Variants in TGFBRAP1 observed in about 807,000 individuals in gnomAD.
The protein encoded by TGFBRAP1 is transforming growth factor-beta receptor-associated protein 1.
TGFBRAP1 carries 20 observed loss-of-function variants against 83.2 expected under a neutral mutation model. The ratio of observed to expected loss-of-function variants is 0.24; its 90% CI spans 0.17 to 0.35. TGFBRAP1 has a LOEUF of 0.35. Ranked by LOEUF, TGFBRAP1 falls within the 10% of genes least tolerant of loss-of-function variation. The pLI, the probability that TGFBRAP1 is intolerant of heterozygous loss-of-function variation, is 1.00. For synonymous variants in TGFBRAP1, 415 were observed against 459.8 expected, an observed-to-expected ratio of 0.90 and a Z score of 1.25; for missense variants, 950 against 1,099.4, an observed-to-expected ratio of 0.86 and a Z score of 1.92.
intron 1 of TGFBRAP1, 124 bp downstream of exon 1, chr2:105,329,501 A>C (rs2104431248): frequency 1.2e-5 from 1 of 84,722 alleles, no homozygotes; most frequent in Non-Finnish European, 2.3e-5. Context: ...CCCAGCGCAC[A>C]CGCACGGGCT....
rs1447424182 is a variant in TGFBRAP1, at chr2:105,316,471, G to A, written c.-17-8153C>T. On this transcript the variant is annotated intron_variant, in intron 1 of 11. Coordinates refer to ENST00000393359, the MANE Select transcript of TGFBRAP1 (RefSeq NM_004257.6). ...TGTGTGTGTGTGTGTGTGCGCGCGC[G>A]CGCGCGCGCACGCGCACATAACTCA... Among the ~76,000 whole-genome samples the A allele has an allele frequency of 1.3e-3, 133 of 105,144 alleles. 1 individual carries two copies. Among genetic ancestry groups the A allele is most frequent in the African/African-American group, 3.7e-3 (114 of 30,842 alleles). 69.0% of individuals were successfully genotyped at this position (105,144 alleles called of 152,430 possible).
rs537029827 is a variant in TGFBRAP1 at position 105,311,390 on chromosome 2, A to C, written c.-17-3072T>G. Among the ~76,000 whole-genome samples, 72 of 152,248 alleles carry C rather than the reference A, an allele frequency of 4.7e-4. 1 individual carries two copies. The highest frequency in any genetic ancestry group is 3.5e-3 in the South Asian group (17 of 4,830). ...GAAGAAGTAACATGCTAGCACTTAA[A>C]AATGACTTATCCTTAACCCTGTCTC... is the stretch of plus-strand genomic sequence containing the variant. On this transcript the variant is annotated intron_variant, in intron 1 of 11. Coordinates refer to ENST00000393359, the MANE Select transcript of TGFBRAP1 (RefSeq NM_004257.6).
chr2:105,250,596 C>T, the TGFBRAP1 span, among the ~76,000 whole-genome samples: 177 of 131,100 alleles, frequency 1.4e-3, 1 homozygote, highest in Non-Finnish European at 2.5e-3. Flanking sequence ...TCTCCCTCTC[C>T]CTCCTCTCCC....
intron 1 of TGFBRAP1, among the ~76,000 whole-genome samples, chr2:105,316,475 G>GCA (rs1558654719): frequency 1.8e-4 from 14 of 77,548 alleles, no homozygotes; most frequent in South Asian, 7.7e-4. Flanking sequence ...GCGCGCGCGC[G>GCA]CGCGCACGCG....
chr2:105,288,929 T>C (rs1348469140), intron 4 of TGFBRAP1, among the ~76,000 whole-genome samples: 1 of 152,142 alleles, frequency 6.6e-6, no homozygotes, highest in African/African-American at 2.4e-5. Flanking sequence ...CAATAAGTGT[T>C]AGAATATTAG....
At chr2:105,275,907 TA>T (rs201840437) in intron 7 of TGFBRAP1, among the ~76,000 whole-genome samples, 100 of 147,682 alleles carry the variant, frequency 6.8e-4, no homozygotes, top group Admixed American at 3.4e-4. Context: ...GTCCAAGAAA[TA>T]AAAAAAAAAA....
Position 105,308,134 on chromosome 2 carries a change from C to T in TGFBRAP1, c.168G>A (p.Val56=), listed in dbSNP as rs1208519567. The T allele has an allele frequency of 1.9e-6, 3 of 1,614,180 alleles. No homozygotes were observed. Among genetic ancestry groups the T allele is most frequent in the Non-Finnish European group, 2.5e-6 (3 of 1,180,030 alleles). ...CAGTGAACGTGGCTGGCCCAGCAGG[C>T]ACTGGCCTCTCCTCCAACAGGAAGT... ...VYHFLLEERP[V]PAGPATFTAT... The change falls in exon 2 of 12, where the codon GTG becomes GTA. Residue 56 remains valine, a synonymous_variant. Coordinates refer to ENST00000393359, the MANE Select transcript of TGFBRAP1 (RefSeq NM_004257.6).
At chr2:105,282,644 A>G (rs1677580027) in intron 5 of TGFBRAP1, among the ~76,000 whole-genome samples, 1 of 151,970 alleles carries the variant, frequency 6.6e-6, no homozygotes, top group South Asian at 2.1e-4. Flanking sequence ...GGGCAACACA[A>G]TAAGATCCCA....
chr2:105,261,758 G>C (rs1409335821), downstream of TGFBRAP1, among the ~76,000 whole-genome samples: 1 of 151,994 alleles, frequency 6.6e-6, no homozygotes, highest in Non-Finnish European at 1.5e-5. Flanking sequence ...TCTCAAAAAA[G>C]GACAGGACAG....
chr2:105,279,408 C>T (rs188223999), intron 6 of TGFBRAP1, among the ~76,000 whole-genome samples: 1 of 152,064 alleles, frequency 6.6e-6, no homozygotes. Flanking sequence ...CAGGCGTGAA[C>T]CACCACACCC....
At chr2:105,258,510 G>C in the TGFBRAP1 span, among the ~76,000 whole-genome samples, 1 of 151,782 alleles carries the variant, frequency 6.6e-6, no homozygotes, top group Non-Finnish European at 1.5e-5. Context: ...CTTGAGCTGG[G>C]ATATCTCCTC....
At chr2:105,287,155 A>G (rs1224554892) in intron 4 of TGFBRAP1, among the ~76,000 whole-genome samples, 1 of 151,048 alleles carries the variant, frequency 6.6e-6, no homozygotes, top group Non-Finnish European at 1.5e-5. Context: ...TCAGATTCAT[A>G]GAGACAGAAA....
At chr2:105,299,589 T>A (rs1404922721) in intron 2 of TGFBRAP1, among the ~76,000 whole-genome samples, 1 of 151,968 alleles carries the variant, frequency 6.6e-6, no homozygotes, top group Non-Finnish European at 1.5e-5. Context: ...CCCTGATGAA[T>A]GTTTTTAAAA....
At chr2:105,254,064 T>G in the TGFBRAP1 span, among the ~76,000 whole-genome samples, 4 of 152,150 alleles carry the variant, frequency 2.6e-5, no homozygotes, top group African/African-American at 9.7e-5. Context: ...CAAGGTTTTT[T>G]TTTTTTCTAT....
chr2:105,277,519 G>C, intron 7 of TGFBRAP1, 95 bp downstream of exon 7: 1 of 984,404 alleles, frequency 1.0e-6, no homozygotes, highest in Non-Finnish European at 1.5e-6. Flanking sequence ...AGGCAAAAGT[G>C]GTCTCTATCA....
At chr2:105,271,169 A>G (rs994436917) in intron 10 of TGFBRAP1, among the ~76,000 whole-genome samples, 1 of 152,140 alleles carries the variant, frequency 6.6e-6, no homozygotes, top group Non-Finnish European at 1.5e-5. Flanking sequence ...GCCCTTCTAG[A>G]ACTGTACCTG....
intron 1 of TGFBRAP1, among the ~76,000 whole-genome samples, chr2:105,309,155 A>G (rs929300613): frequency 6.6e-6 from 1 of 152,136 alleles, no homozygotes; most frequent in Non-Finnish European, 1.5e-5. Context: ...GTGGCTTCAC[A>G]CTCCACAAAG....
chr2:105,288,099 A>G (rs975887297), intron 4 of TGFBRAP1, among the ~76,000 whole-genome samples: 2 of 152,234 alleles, frequency 1.3e-5, no homozygotes, highest in African/African-American at 4.8e-5. Flanking sequence ...TCAAGTCTGT[A>G]AAAACTGGGT....
intron 2 of TGFBRAP1, among the ~76,000 whole-genome samples, chr2:105,301,421 C>T (rs1365004194): frequency 6.6e-6 from 1 of 151,452 alleles, no homozygotes; most frequent in Non-Finnish European, 1.5e-5. Context: ...CCTGTCTCTA[C>T]AAAAAAATAC....
Sources: allele counts gnomAD v4.1 joint callset (sites outside exome capture counted in the v4.1 genomes callset), GRCh38; gene constraint gnomAD v4.1.1; transcripts MANE v1.5; gene names NCBI Gene and HGNC (gene_info 2026-07-23, HGNC 2026-07-21).